ZFPM2: variants seen among roughly 807,000 people sequenced by gnomAD.
ZFPM2 encodes the protein zinc finger protein ZFPM2.
In ZFPM2, 20 loss-of-function variants were observed where a neutral mutation model predicts 98.6. The ratio of observed to expected loss-of-function variants is 0.20; its 90% CI spans 0.14 to 0.29. ZFPM2 has a LOEUF of 0.29. ZFPM2 is among the 10% of genes least tolerant of loss of function. The probability of loss-of-function intolerance (pLI) is 1.00; values close to 1 mark genes in which losing one functional copy is unlikely to be tolerated. For missense variants in ZFPM2, 1,310 were observed against 1,388.6 expected, an observed-to-expected ratio of 0.94 and a Z score of 0.90; for synonymous variants, 518 against 502.7, an observed-to-expected ratio of 1.03 and a Z score of -0.41.
intron 3 of ZFPM2, among the ~76,000 whole-genome samples, chr8:105,535,839 A>G (rs1246861523): frequency 2.0e-5 from 3 of 152,224 alleles, no homozygotes; most frequent in African/African-American, 7.2e-5. Context: ...CCAAATGACC[A>G]CTCTATGACA....
intron 5 of ZFPM2, among the ~76,000 whole-genome samples, chr8:105,670,663 A>G (rs1445944409): frequency 2.0e-5 from 3 of 152,166 alleles, no homozygotes; most frequent in Non-Finnish European, 4.4e-5. Flanking sequence ...CCCATCTTTT[A>G]AAAATAGCTT....
At chr8:105,599,797 G>A (rs1816053513) in intron 4 of ZFPM2, among the ~76,000 whole-genome samples, 1 of 152,036 alleles carries the variant, frequency 6.6e-6, no homozygotes, top group African/African-American at 2.4e-5. Context: ...ATAAAAATTA[G>A]AAGAGATTCC....
At chr8:105,402,439 A>T (rs770414713) in intron 1 of ZFPM2, among the ~76,000 whole-genome samples, 7 of 151,996 alleles carry the variant, frequency 4.6e-5, no homozygotes, top group Non-Finnish European at 1.0e-4. Flanking sequence ...ATTCAATGGT[A>T]TCTGAAAATA....
chr8:105,350,571 A>G (rs1474171582), intron 1 of ZFPM2, among the ~76,000 whole-genome samples: 1 of 152,178 alleles, frequency 6.6e-6, no homozygotes, highest in African/African-American at 2.4e-5. Context: ...GGAAGAATGC[A>G]AAGATGTCTT....
At chr8:105,491,361 G>C (rs1393733924) in intron 3 of ZFPM2, among the ~76,000 whole-genome samples, 1 of 152,060 alleles carries the variant, frequency 6.6e-6, no homozygotes, top group Non-Finnish European at 1.5e-5. Flanking sequence ...TTGTGCCAGT[G>C]TTGTGGTATT....
intron 3 of ZFPM2, among the ~76,000 whole-genome samples, chr8:105,522,933 T>G (rs1271720299): frequency 6.6e-6 from 1 of 152,168 alleles, no homozygotes; most frequent in East Asian, 1.9e-4. Flanking sequence ...TGCCTTTCCT[T>G]GTAGCTCAGT....
chr8:105,445,202 TGAA>T (rs1224853751), intron 3 of ZFPM2, among the ~76,000 whole-genome samples: 1 of 152,148 alleles, frequency 6.6e-6, no homozygotes, highest in Non-Finnish European at 1.5e-5. Context: ...CTGCTGTACG[TGAA>T]GAAGAGAGGA....
At chr8:105,655,829 G>A (rs1243859076) in intron 5 of ZFPM2, among the ~76,000 whole-genome samples, 2 of 152,094 alleles carry the variant, frequency 1.3e-5, no homozygotes, top group East Asian at 1.9e-4. Context: ...TGTGATTATC[G>A]TTACTTTTAT....
intron 5 of ZFPM2, among the ~76,000 whole-genome samples, chr8:105,742,527 A>G (rs1024864881): frequency 5.9e-5 from 9 of 151,888 alleles, no homozygotes; most frequent in Admixed American, 5.3e-4. Context: ...AGGCCTAGAG[A>G]GTGAGTGGTT....
chr8:105,658,581 C>T (rs1416018560), intron 5 of ZFPM2, among the ~76,000 whole-genome samples: 1 of 11,148 alleles, frequency 9.0e-5, no homozygotes, highest in African/African-American at 2.8e-4. Context: ...AGCGAGACTC[C>T]GTCTCAAAAA....
At chr8:105,486,578 G>A (rs141428007) in intron 3 of ZFPM2, among the ~76,000 whole-genome samples, 41 of 152,012 alleles carry the variant, frequency 2.7e-4, no homozygotes, top group Admixed American at 1.2e-3. Flanking sequence ...GACTCACTTC[G>A]GGATCCTTTG....
intron 1 of ZFPM2, among the ~76,000 whole-genome samples, chr8:105,342,286 T>A (rs1198126438): frequency 6.6e-6 from 1 of 152,034 alleles, no homozygotes; most frequent in Non-Finnish European, 1.5e-5. Flanking sequence ...GCTGAATCAT[T>A]CATTCAGATT....
chr8:105,676,006 A>G (rs1408916125), intron 5 of ZFPM2: 1 of 152,168 alleles, frequency 6.6e-6, no homozygotes, highest in East Asian at 1.9e-4. Context: ...TCACCATTAA[A>G]CAGTGTCACC....
intron 3 of ZFPM2, among the ~76,000 whole-genome samples, chr8:105,549,503 C>G (rs1245918834): frequency 7.1e-6 from 1 of 140,948 alleles, no homozygotes; most frequent in Non-Finnish European, 1.5e-5. Flanking sequence ...TCTCTCCCTC[C>G]CTCCCTCCCT....
At chr8:105,393,641 G>A (rs1811162710) in intron 1 of ZFPM2, among the ~76,000 whole-genome samples, 1 of 152,012 alleles carries the variant, frequency 6.6e-6, no homozygotes, top group Non-Finnish European at 1.5e-5. Flanking sequence ...AGTTAGTGCT[G>A]GCATAGTCTT....
intron 1 of ZFPM2, among the ~76,000 whole-genome samples, chr8:105,409,485 C>A (rs1811533308): frequency 6.6e-6 from 1 of 151,830 alleles, no homozygotes; most frequent in African/African-American, 2.4e-5. Context: ...AATTAACCAG[C>A]ACTAAATGAG....
At chr8:105,418,835 A>G (rs374331852) in intron 1 of ZFPM2, 6 of 542,736 alleles carry the variant, frequency 1.1e-5, no homozygotes, top group South Asian at 6.0e-5. Flanking sequence ...TAAAGTGCAC[A>G]GTTTTGCTCT....
intron 5 of ZFPM2, among the ~76,000 whole-genome samples, chr8:105,742,840 G>A (rs567861920): frequency 1.3e-5 from 2 of 151,696 alleles, no homozygotes; most frequent in East Asian, 2.0e-4. Flanking sequence ...AGCCAAGATC[G>A]TGCCATTGCA....
At chr8:105,667,518 T>A (rs942922761) in intron 5 of ZFPM2, among the ~76,000 whole-genome samples, 3 of 152,200 alleles carry the variant, frequency 2.0e-5, no homozygotes, top group African/African-American at 4.8e-5. Flanking sequence ...ACACTGCAAT[T>A]CACCTTTAGG....
Sources: gnomAD v4.1 joint callset for allele counts (sites outside exome capture counted in the v4.1 genomes callset) on GRCh38, gnomAD v4.1.1 for gene constraint, MANE v1.5 for transcripts, NCBI Gene and HGNC (gene_info 2026-07-23, HGNC 2026-07-21) for gene names.